The following LRP12 variants were observed in gnomAD, a reference collection of about 807,000 sequenced individuals.
LRP12 encodes the protein LDL receptor related protein 12, also known as low-density lipoprotein receptor-related protein 12.
A neutral mutation model predicts 66.0 loss-of-function variants in LRP12; 14 were observed. The observed-to-expected ratio is 0.21, with a 90% confidence interval of 0.14 to 0.33. LRP12 has a LOEUF of 0.33. LRP12 is among the 10% of genes least tolerant of loss of function. The probability of loss-of-function intolerance (pLI) is 1.00; values close to 1 mark genes in which losing one functional copy is unlikely to be tolerated. For synonymous variants in LRP12, 357 were observed against 359.1 expected (o/e 0.99, Z 0.07); for missense variants, 889 against 1,053.4 (o/e 0.84, Z 2.16).
At chr8:104,534,185 C>T (rs1006475684) in intron 1 of LRP12, among the ~76,000 whole-genome samples, 2 of 151,474 alleles carry the variant, frequency 1.3e-5, no homozygotes, top group African/African-American at 4.9e-5. Context: ...TGGATAGATA[C>T]ACATATTAAA....
intron 1 of LRP12, among the ~76,000 whole-genome samples, chr8:104,539,459 A>G (rs1246604393): frequency 6.6e-6 from 1 of 151,978 alleles, no homozygotes; most frequent in Non-Finnish European, 1.5e-5. Context: ...ATCTATTTTC[A>G]CAAATATTTG....
At chr8:104,543,146 T>C (rs1037485504) in intron 1 of LRP12, among the ~76,000 whole-genome samples, 7 of 152,050 alleles carry the variant, frequency 4.6e-5, no homozygotes, top group Non-Finnish European at 1.0e-4. Context: ...CTAACTCTTT[T>C]TATTGCACTT....
rs1213002218 is a variant in LRP12, at chr8:104,492,623, T to A, written c.1714-1084A>T. Among the ~76,000 whole-genome samples, 8 of 152,194 alleles carry A rather than the reference T, an allele frequency of 5.3e-5. 1 individual carries two copies. The highest frequency in any genetic ancestry group is 1.2e-4 in the Non-Finnish European group (8 of 68,030). ...AAGGAAGATGTCCTCTTATGTTCTG[T>A]ATCTCTTTGTGACTGGTATTGCATT... On this transcript the variant is annotated intron_variant, in intron 6 of 6. Transcript: ENST00000276654.
chr8:104,533,070 G>A (rs61360760), intron 1 of LRP12, among the ~76,000 whole-genome samples: 2,570 of 152,096 alleles, frequency 0.017, 72 homozygotes, highest in African/African-American at 0.058. Flanking sequence ...TTCAACTACA[G>A]TTATACCCTT....
At chr8:104,529,143 G>C (rs150887766) in intron 2 of LRP12, among the ~76,000 whole-genome samples, 129 of 152,256 alleles carry the variant, frequency 8.5e-4, no homozygotes, top group African/African-American at 2.9e-3. Context: ...AAGTTAAAAT[G>C]AGGTCATATG....
At chr8:104,554,730 T>A (rs894608857) in intron 1 of LRP12, among the ~76,000 whole-genome samples, 14 of 152,176 alleles carry the variant, frequency 9.2e-5, no homozygotes, top group African/African-American at 3.4e-4. Context: ...AAAACTTCCC[T>A]GACTTTGCTA....
At chr8:104,549,545 G>A (rs1811695244) in intron 1 of LRP12, among the ~76,000 whole-genome samples, 1 of 151,772 alleles carries the variant, frequency 6.6e-6, no homozygotes, top group Non-Finnish European at 1.5e-5. Context: ...TGGGACTACA[G>A]GCGCCTGCCA....
intron 1 of LRP12, among the ~76,000 whole-genome samples, chr8:104,552,753 C>G (rs1187987416): frequency 6.6e-6 from 1 of 152,120 alleles, no homozygotes; most frequent in African/African-American, 2.4e-5. Flanking sequence ...GACTAACTTG[C>G]AGCTCCCACT....
chr8:104,544,225 C>T (rs1439262325), intron 1 of LRP12, among the ~76,000 whole-genome samples: 1 of 152,110 alleles, frequency 6.6e-6, no homozygotes. Context: ...TCTACGAAGG[C>T]TGAGAGAGGT....
Position 104,491,331 on chromosome 8 carries a change from T to C in LRP12, c.1922A>G (p.Asn641Ser), listed in dbSNP as rs1428947335. 2.2e-5 allele frequency: 35 copies of C among 1,614,002 alleles called. No individual in the cohort carries two copies. Among genetic ancestry groups the C allele is most frequent in the Non-Finnish European group, 2.9e-5 (34 of 1,180,026 alleles). ...GGAAAACAAACTTCTGTGAGTATGA[T>C]TTCTCTCAGGTTCTCTACTGGTACT... ...SQSTSREPER[N>S]HTHRSLFSVE... Residue 641 changes from asparagine to serine, a missense_variant, in exon 7 of 7, where the codon AAT (asparagine) becomes AGT (serine). Around this residue, in one of 3 missense-constraint regions of LRP12, gnomAD observed 800 missense variants for 964.5 expected, o/e 0.83. Coordinates refer to ENST00000276654, the MANE Select transcript of LRP12 (RefSeq NM_013437.5).
chr8:104,556,354 A>G (rs1811808714), intron 1 of LRP12, among the ~76,000 whole-genome samples: 1 of 152,138 alleles, frequency 6.6e-6, no homozygotes, highest in South Asian at 2.1e-4. Flanking sequence ...TATAAACAAA[A>G]AGCTGGTTCT....
In LRP12 at chr8:104,579,718, G is replaced by C. The variant is rs561603827; in HGVS notation, c.79+9101C>G. On this transcript the variant is annotated intron_variant, in intron 1 of 6. Transcript: ENST00000276654. ...CAGTAACCAAAACTGCATGGTACTC[G>C]TACAAAAACAGACACATAGACCAAT... Among the ~76,000 whole-genome samples, 4 of 152,232 alleles carry C rather than the reference G, an allele frequency of 2.6e-5. 1 individual carries two copies. The highest frequency in any genetic ancestry group is 9.6e-5 in the African/African-American group (4 of 41,540).
chr8:104,490,708 C>T lies in LRP12; in HGVS notation c.2545G>A (p.Glu849Lys), dbSNP rs748194107. The change falls in exon 7 of 7, where the codon GAA becomes AAA. Residue 849 changes from glutamate (E) to lysine (K), a missense_variant. This residue lies in a region of LRP12 where 800 missense variants were observed against 964.5 expected (regional missense o/e 0.83). Coordinates refer to ENST00000276654, the MANE Select transcript of LRP12 (RefSeq NM_013437.5). ...DTCLEVTLKN[E>K]TSDDEALLLC ...AACAAAGCCTCATCATCACTCGTTT[C>T]GTTTTTCAGTGTTACTTCTAAGCAA... 13 of 1,613,304 alleles carry T rather than the reference C, an allele frequency of 8.1e-6. 1 individual carries two copies. In the East Asian group the frequency reaches 8.9e-5, roughly 11 times the overall value.
chr8:104,543,441 G>A (rs985505636), intron 1 of LRP12, among the ~76,000 whole-genome samples: 1 of 152,048 alleles, frequency 6.6e-6, no homozygotes, highest in Admixed American at 6.6e-5. Flanking sequence ...TATAAAAGAG[G>A]GTAAACTTAA....
chr8:104,517,219 T>C (rs1482717956), intron 2 of LRP12, among the ~76,000 whole-genome samples: 1 of 149,892 alleles, frequency 6.7e-6, no homozygotes, highest in East Asian at 1.9e-4. Flanking sequence ...CATGATTTAA[T>C]GCATAACAAG....
rs1175673104 is a variant in LRP12 at position 104,499,327 on chromosome 8, T to C, written c.465A>G (p.Ala155=). 6.2e-7 allele frequency: 1 copy of C among 1,610,724 alleles called. No homozygotes were observed. The highest frequency in any genetic ancestry group is 2.2e-5 in the East Asian group (1 of 44,814). ...DNISRKGFRL[A]YFSGKSEEPN... is the part of the protein sequence containing the mutation. ...TATTTAAAAACACACCTGAAAAATA[T>C]GCCAGTCTGAAACCCTTTCTAGAGA... is the stretch of plus-strand genomic sequence containing the variant. The change falls in exon 4 of 7, where the codon GCA becomes GCG. Residue 155 remains alanine, a synonymous_variant. Transcript: ENST00000276654.
At chr8:104,499,290 C>A in intron 4 of LRP12, 27 bp downstream of exon 4, 2 of 1,570,824 alleles carry the variant, frequency 1.3e-6, no homozygotes, top group South Asian at 2.3e-5. Context: ...AAATTCAGTT[C>A]AATATCTTTC....
Position 104,588,976 on chromosome 8 carries a change from CCG to C in LRP12, c.-81_-80del. On this transcript the variant is annotated 5_prime_UTR_variant, in exon 1 of 7. Transcript: ENST00000276654. The stretch of plus-strand genomic sequence containing the variant: ...CTGGAGGTAGACGACGCCGACGCCG[CCG>C]CCGCCGCCGCCGCCGCCGCCGAGCC... 1 of 648,504 alleles carries C rather than the reference CCG, an allele frequency of 1.5e-6. No homozygotes were observed. Among genetic ancestry groups the C allele is most frequent in the Non-Finnish European group, 2.4e-6 (1 of 418,432 alleles). 40.2% of individuals were successfully genotyped at this position (648,504 alleles called of 1,614,324 possible). A position where few individuals can be genotyped will look rare whatever the true frequency, so the allele number is the denominator to read the frequency against.
intron 2 of LRP12, among the ~76,000 whole-genome samples, chr8:104,510,065 A>G (rs1810969088): frequency 1.3e-5 from 2 of 152,194 alleles, no homozygotes; most frequent in South Asian, 4.1e-4. Flanking sequence ...CCATCCACCC[A>G]TCTTTTTTCA....
Sources: allele counts gnomAD v4.1 joint callset (sites outside exome capture counted in the v4.1 genomes callset), GRCh38; gene constraint gnomAD v4.1.1; regional missense constraint gnomAD v4.1.1; transcripts MANE v1.5; gene names NCBI Gene and HGNC (gene_info 2026-07-23, HGNC 2026-07-21).